ANO10: variants seen among roughly 807,000 people sequenced by gnomAD.
ANO10 encodes the protein anoctamin 10.
ANO10 carries 77 observed loss-of-function variants against 74.7 expected under a neutral mutation model. That is an observed-to-expected ratio of 1.03 (90% confidence interval 0.86 to 1.25). The LOEUF is 1.25. Ranked by LOEUF, ANO10 falls within the 50% of genes most tolerant of loss-of-function variation. The pLI is 0.00. For synonymous variants in ANO10, 279 were observed against 284.9 expected (o/e 0.98, Z 0.21); for missense variants, 721 against 778.1 (o/e 0.93, Z 0.87).
rs962680782 is a variant in ANO10 at position 43,684,635 on chromosome 3, T to C, written c.-12+6882A>G. On this transcript the variant is annotated intron_variant, in intron 1 of 3. Transcript: ENST00000413397. ...TGCTGTAAAGACACATGCACACGTA[T>C]GTTTATTGTGGCACTATTCACAATA... 5.1e-4 allele frequency among the ~76,000 whole-genome samples: 78 copies of C among 152,182 alleles called. 2 individuals carry two copies. Among genetic ancestry groups the C allele is most frequent in the Non-Finnish European group, 5.9e-5 (4 of 68,028 alleles).
chr3:43,442,740 A>G (rs914204432), intron 11 of ANO10, among the ~76,000 whole-genome samples: 3 of 152,292 alleles, frequency 2.0e-5, no homozygotes, highest in Admixed American at 6.5e-5. Flanking sequence ...CTCTGTCACA[A>G]TTACTCAACT....
intron 11 of ANO10, among the ~76,000 whole-genome samples, chr3:43,436,855 G>A (rs2093075672): frequency 6.6e-6 from 1 of 152,142 alleles, no homozygotes; most frequent in South Asian, 2.1e-4. Flanking sequence ...CCCCAACCCT[G>A]TCTCTAATGA....
intron 1 of ANO10, among the ~76,000 whole-genome samples, chr3:43,643,136 A>T (rs1297627066): frequency 2.0e-5 from 3 of 150,036 alleles, no homozygotes; most frequent in African/African-American, 7.4e-5. Flanking sequence ...GGTTCACGCC[A>T]TTCTCCTAAC....
intron 1 of ANO10, among the ~76,000 whole-genome samples, chr3:43,659,121 C>T (rs2083890749): frequency 2.0e-5 from 3 of 152,256 alleles, no homozygotes; most frequent in Non-Finnish European, 2.9e-5. Flanking sequence ...CTCTGGTCTA[C>T]AGCTCCCAGC....
intron 1 of ANO10, among the ~76,000 whole-genome samples, chr3:43,670,407 T>C (rs2084045046): frequency 6.6e-6 from 1 of 152,076 alleles, no homozygotes; most frequent in Non-Finnish European, 1.5e-5. Flanking sequence ...GGGAGATTTA[T>C]GCTTAAGAGT....
At chr3:43,679,652 T>A (rs111381161) in intron 1 of ANO10, among the ~76,000 whole-genome samples, 9 of 152,152 alleles carry the variant, frequency 5.9e-5, no homozygotes, top group Admixed American at 2.0e-4. Flanking sequence ...CTCAAGTGGG[T>A]CCCTGACCCT....
intron 12 of ANO10, among the ~76,000 whole-genome samples, chr3:43,386,278 CT>C (rs1386526651): frequency 6.7e-6 from 1 of 149,384 alleles, no homozygotes; most frequent in Non-Finnish European, 1.5e-5. Flanking sequence ...AGATAAAATA[CT>C]TTAAAAAGAA....
In ANO10 at chr3:43,466,306, G is replaced by A. The variant is rs1189506491; in HGVS notation, c.1798-33579C>T. The stretch of plus-strand genomic sequence containing the variant: ...GAATCGCTTGAACCCGGGAGGCAGA[G>A]GTGGCAGTGAGCCGAGATCACTGCA... On this transcript the variant is annotated intron_variant, in intron 11 of 12. Transcript: ENST00000292246. Among the ~76,000 whole-genome samples the A allele has an allele frequency of 4.7e-5, 7 of 150,310 alleles. No homozygotes were observed. The Middle Eastern group carries it at 0.01, about 224-fold the overall frequency.
rs2080275187 is a variant in ANO10, at chr3:43,565,634, TTC to T, written c.1293+17_1293+18del. On this transcript the variant is annotated intron_variant, in intron 8 of 12. Transcript: ENST00000292246. The stretch of plus-strand genomic sequence containing the variant: ...TCTATGACCTAAAAAATTGGTATTT[TTC>T]TGTTATTTTTACTTACCTGGCGCAA... 6.4e-7 allele frequency: 1 copy of T among 1,555,704 alleles called. No individual in the cohort carries two copies. Among genetic ancestry groups the T allele is most frequent in the Non-Finnish European group, 8.7e-7 (1 of 1,148,146 alleles).
Position 43,452,325 on chromosome 3 carries a change from T to G in ANO10, c.1798-19598A>C, listed in dbSNP as rs2074915099. Reference sequence around the variant, plus strand: ...GCACCCTCCAAAAAGCCTATGCCCCTTAATGGTCATTTTCCAATCCCTTAT... The same window carrying G: ...GCACCCTCCAAAAAGCCTATGCCCCGTAATGGTCATTTTCCAATCCCTTAT... On this transcript the variant is annotated intron_variant, in intron 11 of 12. Coordinates refer to ENST00000292246, the MANE Select transcript of ANO10 (RefSeq NM_018075.5). 2.0e-5 allele frequency among the ~76,000 whole-genome samples: 3 copies of G among 152,354 alleles called. No individual in the cohort carries two copies. The East Asian group carries it at 5.8e-4, about 29-fold the overall frequency.
intron 11 of ANO10, among the ~76,000 whole-genome samples, chr3:43,506,706 C>G (rs1409249189): frequency 1.3e-5 from 2 of 152,142 alleles, no homozygotes; most frequent in Non-Finnish European, 2.9e-5. Flanking sequence ...GCCTGCACTG[C>G]TCTTCCTCCA....
intron 9 of ANO10, among the ~76,000 whole-genome samples, chr3:43,559,956 A>C (rs1478882300): frequency 6.6e-6 from 1 of 152,180 alleles, no homozygotes; most frequent in African/African-American, 2.4e-5. Context: ...AAACAATGTT[A>C]CTGTTCAAAG....
At chr3:43,678,265 GA>G (rs1319521327) in intron 1 of ANO10, among the ~76,000 whole-genome samples, 2 of 152,124 alleles carry the variant, frequency 1.3e-5, no homozygotes, top group African/African-American at 2.4e-5. Flanking sequence ...ATGGGCATTC[GA>G]ACGGTTTCTA....
At chr3:43,674,815 T>C (rs571337853) in intron 1 of ANO10, among the ~76,000 whole-genome samples, 173 of 152,312 alleles carry the variant, frequency 1.1e-3, no homozygotes, top group Non-Finnish European at 2.1e-3. Flanking sequence ...GCTGGTCTTT[T>C]ATGTCCCTGC....
intron 12 of ANO10, among the ~76,000 whole-genome samples, chr3:43,402,515 G>C (rs1424790023): frequency 6.6e-6 from 1 of 152,160 alleles, no homozygotes; most frequent in East Asian, 1.9e-4. Context: ...AGACACGATG[G>C]AGTGCTGATT....
At chr3:43,415,860 A>G (rs1247786800) in intron 12 of ANO10, among the ~76,000 whole-genome samples, 1 of 152,170 alleles carries the variant, frequency 6.6e-6, no homozygotes, top group Non-Finnish European at 1.5e-5. Flanking sequence ...ACAATTCTTT[A>G]GCGAGTTTCC....
chr3:43,470,157 GA>G (rs1246387566), intron 11 of ANO10, among the ~76,000 whole-genome samples: 1 of 152,178 alleles, frequency 6.6e-6, no homozygotes, highest in African/African-American at 2.4e-5. Context: ...GTGGTAAGAA[GA>G]AATGACCTAT....
chr3:43,675,831 T>C (rs887237434), intron 1 of ANO10, among the ~76,000 whole-genome samples: 5 of 152,166 alleles, frequency 3.3e-5, no homozygotes, highest in Non-Finnish European at 1.5e-5. Context: ...TAGGAATATA[T>C]GGTACAGCTA....
chr3:43,428,818 A>AAAAAAAAAAAAAT (rs2092938451), intron 12 of ANO10, among the ~76,000 whole-genome samples: 2 of 148,502 alleles, frequency 1.3e-5, no homozygotes, highest in Non-Finnish European at 1.5e-5. Flanking sequence ...AAAAAAAAAA[A>AAAAAAAAAAAAAT]GTCATTGAAG....
Sources: allele counts gnomAD v4.1 joint callset (sites outside exome capture counted in the v4.1 genomes callset), GRCh38; gene constraint gnomAD v4.1.1; transcripts MANE v1.5; gene names NCBI Gene and HGNC (gene_info 2026-07-23, HGNC 2026-07-21).